Variants in LARP4 observed in about 807,000 individuals in gnomAD.
LARP4 encodes the protein la-related protein 4.
A neutral mutation model predicts 92.9 loss-of-function variants in LARP4; 29 were observed. The ratio of observed to expected loss-of-function variants is 0.31; its 90% CI spans 0.23 to 0.43. The LOEUF is 0.43. Ranked by LOEUF, LARP4 falls within the 20% of genes least tolerant of loss-of-function variation. LARP4 has a pLI of 1.00. For missense variants in LARP4, 732 were observed against 860.0 expected (o/e 0.85, Z 1.86); for synonymous variants, 279 against 284.1 (o/e 0.98, Z 0.18).
chr12:50,413,084 G>T (rs141699481), intron 1 of LARP4, among the ~76,000 whole-genome samples: 1 of 151,908 alleles, frequency 6.6e-6, no homozygotes, highest in Non-Finnish European at 1.5e-5. Flanking sequence ...TTAGCCGGAC[G>T]TGGTGGTGGG....
chr12:50,438,779 G>A (rs746316903), intron 6 of LARP4, among the ~76,000 whole-genome samples: 4 of 152,052 alleles, frequency 2.6e-5, no homozygotes, highest in Non-Finnish European at 5.9e-5. Flanking sequence ...CAGGAGTTTG[G>A]GTTTGAACAT....
At chr12:50,450,633 G>A (rs1266067741) in intron 8 of LARP4, among the ~76,000 whole-genome samples, 1 of 152,060 alleles carries the variant, frequency 6.6e-6, no homozygotes, top group African/African-American at 2.4e-5. Flanking sequence ...CGAGTAGCTG[G>A]GATTACAGGT....
chr12:50,449,575 A>G (rs1308283570), intron 8 of LARP4, among the ~76,000 whole-genome samples: 1 of 152,128 alleles, frequency 6.6e-6, no homozygotes, highest in African/African-American at 2.4e-5. Flanking sequence ...CTTGGTAGCA[A>G]GGGTTTGATT....
chr12:50,475,511 A>G lies in LARP4; in HGVS notation c.1837-15A>G. On this transcript the variant is annotated splice_polypyrimidine_tract_variant and intron_variant, in intron 15 of 15. Coordinates refer to ENST00000398473, the MANE Select transcript of LARP4 (RefSeq NM_052879.5). ...ATGTGTACCATAAATGTTTTTTTTT[A>G]TCATCACTTCAAAGGAACCCCGAAA... is the stretch of plus-strand genomic sequence containing the variant. 4 of 1,553,458 alleles carry G rather than the reference A, an allele frequency of 2.6e-6. No individual in the cohort carries two copies. The highest frequency in any genetic ancestry group is 3.5e-6 in the Non-Finnish European group (4 of 1,147,940).
chr12:50,427,990 T>C, intron 2 of LARP4, 81 bp downstream of exon 2: 2 of 466,478 alleles, frequency 4.3e-6, no homozygotes, highest in Admixed American at 5.8e-5. Context: ...TTGAGACACA[T>C]CTCTTTTTTT....
At chr12:50,459,768 G>T (rs1374947779) in intron 10 of LARP4, among the ~76,000 whole-genome samples, 1 of 146,272 alleles carries the variant, frequency 6.8e-6, no homozygotes, top group African/African-American at 2.6e-5. Flanking sequence ...AGGTTGCAGT[G>T]ACCTGAGATC....
intron 13 of LARP4, among the ~76,000 whole-genome samples, chr12:50,467,338 T>G (rs996021122): frequency 2.0e-5 from 3 of 152,126 alleles, no homozygotes; most frequent in Non-Finnish European, 4.4e-5. Context: ...TTTGTTTTTT[T>G]TTTTTTTAAA....
intron 1 of LARP4, among the ~76,000 whole-genome samples, chr12:50,417,775 G>GCCT (rs1592848060): frequency 6.6e-6 from 1 of 152,228 alleles, no homozygotes; most frequent in East Asian, 1.9e-4. Flanking sequence ...GGTCACTGTA[G>GCCT]CCTCTTCCTC....
intron 1 of LARP4, among the ~76,000 whole-genome samples, chr12:50,417,315 C>T (rs1946981008): frequency 6.7e-6 from 1 of 150,228 alleles, no homozygotes; most frequent in African/African-American, 2.5e-5. Context: ...ACAGAGGATG[C>T]AGTGAGCCGA....
chr12:50,452,823 A>G (rs960659550), intron 8 of LARP4, among the ~76,000 whole-genome samples: 5 of 152,112 alleles, frequency 3.3e-5, no homozygotes, highest in African/African-American at 4.8e-5. Flanking sequence ...TGTTTTTACA[A>G]TTCGTGTATT....
intron 2 of LARP4, 49 bp downstream of exon 2, chr12:50,427,958 T>C: frequency 1.6e-6 from 2 of 1,279,590 alleles, no homozygotes; most frequent in African/African-American, 1.5e-5. Context: ...GTTAAATGTA[T>C]GGCCAAGCAA....
At chr12:50,413,482 T>C (rs1395117702) in intron 1 of LARP4, among the ~76,000 whole-genome samples, 1 of 152,174 alleles carries the variant, frequency 6.6e-6, no homozygotes, top group African/African-American at 2.4e-5. Flanking sequence ...TTTTCAAAAC[T>C]TTTTAAAGAT....
chr12:50,404,834 C>T (rs968708369), intron 1 of LARP4, among the ~76,000 whole-genome samples: 13 of 151,852 alleles, frequency 8.6e-5, no homozygotes, highest in African/African-American at 2.7e-4. Flanking sequence ...GGACTGTAGG[C>T]GCATGCCACC....
chr12:50,418,049 C>T (rs1473557247), intron 1 of LARP4, among the ~76,000 whole-genome samples: 2 of 152,154 alleles, frequency 1.3e-5, no homozygotes, highest in African/African-American at 4.8e-5. Context: ...TTAGTAGAGA[C>T]GGGGTTTCAC....
intron 1 of LARP4, among the ~76,000 whole-genome samples, chr12:50,417,108 C>T (rs1031775225): frequency 2.6e-4 from 40 of 151,990 alleles, no homozygotes; most frequent in African/African-American, 7.5e-4. Flanking sequence ...AAGTGTCTTG[C>T]TTTTGAAAAT....
intron 1 of LARP4, among the ~76,000 whole-genome samples, chr12:50,401,478 CG>C (rs1213224089): frequency 1.3e-5 from 2 of 152,138 alleles, no homozygotes; most frequent in African/African-American, 4.8e-5. Context: ...AGGTGAAATG[CG>C]GTAAGTATTT....
chr12:50,447,851 G>A (rs1310543297), intron 8 of LARP4, among the ~76,000 whole-genome samples: 1 of 151,718 alleles, frequency 6.6e-6, no homozygotes, highest in Admixed American at 6.6e-5. Context: ...GCCCAGCTCC[G>A]CACCACTCCC....
chr12:50,413,979 T>G (rs1274739755), intron 1 of LARP4, among the ~76,000 whole-genome samples: 1 of 152,198 alleles, frequency 6.6e-6, no homozygotes, highest in African/African-American at 2.4e-5. Flanking sequence ...TACTTACATG[T>G]TTTTATATAT....
intron 13 of LARP4, 64 bp from the exon 14 acceptor site, chr12:50,473,351 A>C: frequency 8.2e-7 from 1 of 1,218,462 alleles, no homozygotes; most frequent in Non-Finnish European, 1.2e-6. Context: ...TGTGCTTATT[A>C]GACGTGTATA....
Sources: allele counts gnomAD v4.1 joint callset (sites outside exome capture counted in the v4.1 genomes callset), GRCh38; gene constraint gnomAD v4.1.1; transcripts MANE v1.5; gene names NCBI Gene and HGNC (gene_info 2026-07-23, HGNC 2026-07-21).